LIN28B: variants seen among roughly 807,000 people sequenced by gnomAD.
The protein encoded by LIN28B is lin-28 RNA binding posttranscriptional regulator B.
A neutral mutation model predicts 21.9 loss-of-function variants in LIN28B; 5 were observed. The ratio of observed to expected loss-of-function variants is 0.23; its 90% CI spans 0.12 to 0.48. The LOEUF is 0.48. Among genes scored for constraint, LIN28B ranks in the 20% least tolerant of loss-of-function variants. The probability of loss-of-function intolerance (pLI) is 0.98; values close to 1 mark genes in which losing one functional copy is unlikely to be tolerated. For missense variants in LIN28B, 245 were observed against 310.5 expected (o/e 0.79, Z 1.58); for synonymous variants, 109 against 111.3 (o/e 0.98, Z 0.13).
chr6:104,943,699 T>C (rs1778124172), intron 2 of LIN28B, among the ~76,000 whole-genome samples: 1 of 152,182 alleles, frequency 6.6e-6, no homozygotes, highest in South Asian at 2.1e-4. Context: ...TCAGTTTTTT[T>C]TGTTTAAATA....
At chr6:104,976,967 A>C (rs1279457845) in intron 2 of LIN28B, among the ~76,000 whole-genome samples, 1 of 152,192 alleles carries the variant, frequency 6.6e-6, no homozygotes, top group Non-Finnish European at 1.5e-5. Context: ...TGTTTTCTGA[A>C]TAAAATTTAG....
intron 2 of LIN28B, among the ~76,000 whole-genome samples, chr6:105,021,350 A>G (rs1456667624): frequency 6.6e-6 from 1 of 152,038 alleles, no homozygotes; most frequent in Non-Finnish European, 1.5e-5. Flanking sequence ...GTTATCTTTG[A>G]TATATTGATT....
At chr6:105,060,440 T>G (rs1772104200) in intron 3 of LIN28B, among the ~76,000 whole-genome samples, 1 of 152,066 alleles carries the variant, frequency 6.6e-6, no homozygotes, top group Non-Finnish European at 1.5e-5. Context: ...TATAATTAAT[T>G]TTTTGTTTGT....
intron 2 of LIN28B, among the ~76,000 whole-genome samples, chr6:104,969,057 A>G (rs944122526): frequency 6.6e-6 from 1 of 152,150 alleles, no homozygotes; most frequent in African/African-American, 2.4e-5. Flanking sequence ...TTAGAGACAT[A>G]TACGTAACAC....
upstream of LIN28B, among the ~76,000 whole-genome samples, chr6:104,952,982 T>C (rs1678372603): frequency 6.6e-6 from 1 of 152,186 alleles, no homozygotes; most frequent in African/African-American, 2.4e-5. Context: ...GTGCCTCTGC[T>C]GCAAGACCCA....
intron 3 of LIN28B, among the ~76,000 whole-genome samples, chr6:105,026,841 T>C (rs1347697958): frequency 6.6e-6 from 1 of 152,164 alleles, no homozygotes; most frequent in Admixed American, 6.6e-5. Context: ...TTGTTTTGTC[T>C]GTTTTTGAAA....
At chr6:104,993,875 C>T (rs1253864847) in intron 2 of LIN28B, among the ~76,000 whole-genome samples, 3 of 150,550 alleles carry the variant, frequency 2.0e-5, no homozygotes, top group African/African-American at 4.9e-5. Context: ...ATTTTGTGAG[C>T]GTCAGTACAA....
intron 2 of LIN28B, among the ~76,000 whole-genome samples, chr6:105,005,246 A>G (rs1039468667): frequency 3.3e-5 from 5 of 151,930 alleles, no homozygotes; most frequent in African/African-American, 1.2e-4. Context: ...TTCTCTTCCA[A>G]TAAGTTTTTA....
chr6:104,966,286 G>A (rs552719631), intron 2 of LIN28B, among the ~76,000 whole-genome samples: 6 of 152,110 alleles, frequency 3.9e-5, no homozygotes, highest in Non-Finnish European at 8.8e-5. Context: ...GTGTTCTTAT[G>A]GGTAAAATGT....
At chr6:105,043,588 GTT>G (rs557033563) in intron 3 of LIN28B, among the ~76,000 whole-genome samples, 4 of 140,742 alleles carry the variant, frequency 2.8e-5, no homozygotes, top group Non-Finnish European at 6.2e-5. Flanking sequence ...TTTGTTTATG[GTT>G]TTTTTTTTTT....
intron 3 of LIN28B, chr6:105,057,976 C>A: frequency 3.5e-6 from 1 of 288,844 alleles, no homozygotes; most frequent in South Asian, 3.1e-5. Flanking sequence ...ATTCTACTGG[C>A]TGTATGCAGC....
chr6:105,011,502 C>A (rs918267827), intron 2 of LIN28B, among the ~76,000 whole-genome samples: 3 of 152,180 alleles, frequency 2.0e-5, no homozygotes, highest in Non-Finnish European at 4.4e-5. Context: ...CAGTGTTCCT[C>A]TCTTGTTAAT....
At chr6:104,995,147 A>C (rs1770573069) in intron 2 of LIN28B, among the ~76,000 whole-genome samples, 1 of 152,202 alleles carries the variant, frequency 6.6e-6, no homozygotes, top group Non-Finnish European at 1.5e-5. Flanking sequence ...GATAAGGGAT[A>C]CTCAGCCTGT....
At chr6:105,007,853 A>T (rs1210424467) in intron 2 of LIN28B, among the ~76,000 whole-genome samples, 1 of 152,178 alleles carries the variant, frequency 6.6e-6, no homozygotes, top group Non-Finnish European at 1.5e-5. Context: ...TGTGTTGCCC[A>T]GGCTGGTCTC....
intron 3 of LIN28B, among the ~76,000 whole-genome samples, chr6:105,049,703 A>G (rs1367207116): frequency 2.0e-5 from 3 of 152,068 alleles, no homozygotes; most frequent in African/African-American, 7.2e-5. Flanking sequence ...GGGTGCATAT[A>G]TATTTAGGAT....
chr6:105,038,927 G>A (rs970964638), intron 3 of LIN28B, among the ~76,000 whole-genome samples: 4 of 152,122 alleles, frequency 2.6e-5, no homozygotes, highest in Admixed American at 2.0e-4. Flanking sequence ...TGTGAAGAAC[G>A]TTCCACAATA....
intron 2 of LIN28B, among the ~76,000 whole-genome samples, chr6:104,968,895 T>A (rs1769917174): frequency 1.3e-5 from 2 of 152,208 alleles, no homozygotes; most frequent in Non-Finnish European, 2.9e-5. Context: ...ATTTAATAGA[T>A]CATTAACATA....
chr6:104,954,306 A>G (rs1486569763), upstream of LIN28B, among the ~76,000 whole-genome samples: 4 of 152,202 alleles, frequency 2.6e-5, no homozygotes, highest in Admixed American at 6.5e-5. Context: ...TTTCTGTGAA[A>G]GAAGCACTCT....
intron 3 of LIN28B, among the ~76,000 whole-genome samples, chr6:105,070,592 CCACACA>C (rs752057191): frequency 0.026 from 2,363 of 92,192 alleles, 44 homozygotes; most frequent in East Asian, 0.054. Flanking sequence ...ATCAATAAAA[CCACACA>C]CACACACACA....
Sources: allele counts gnomAD v4.1 joint callset (sites outside exome capture counted in the v4.1 genomes callset), GRCh38; gene constraint gnomAD v4.1.1; transcripts MANE v1.5; gene names NCBI Gene and HGNC (gene_info 2026-07-23, HGNC 2026-07-21).